The following PXDNL variants were observed in gnomAD, a reference collection of about 807,000 sequenced individuals.
PXDNL encodes peroxidasin like, also known as probable oxidoreductase PXDNL.
In PXDNL, 145 loss-of-function variants were observed where a neutral mutation model predicts 150.8. The observed-to-expected ratio is 0.96, with a 90% CI of 0.84 to 1.10. The LOEUF is 1.10. PXDNL is among the 50% of genes least tolerant of loss of function. The pLI, the probability that PXDNL is intolerant of heterozygous loss-of-function variation, is 0.00. For missense variants in PXDNL, 2,087 were observed against 1,873.9 expected (o/e 1.11, Z -2.10); for synonymous variants, 757 against 725.7 (o/e 1.04, Z -0.69).
In PXDNL at chr8:51,409,062, G is replaced by T. The variant is rs1160607838; in HGVS notation, c.2562C>A (p.Gly854=). ...CGAAGAGCATGCAGGGCGCGTGGGT[G>T]CCCCGGGGGTCGGCGTGCCGGGTGT... is the stretch of plus-strand genomic sequence containing the variant. ...PMNTRHADPR[G]THAPCMLFAR... The change falls in exon 17 of 23, where the codon GGC becomes GGA. Residue 854 remains glycine, a synonymous_variant. Coordinates refer to ENST00000356297, the MANE Select transcript of PXDNL (RefSeq NM_144651.5). 6.2e-7 allele frequency: 1 copy of T among 1,609,796 alleles called. No homozygotes were observed.
chr8:51,372,940 T>C (rs965061807), intron 18 of PXDNL, among the ~76,000 whole-genome samples: 3 of 152,194 alleles, frequency 2.0e-5, no homozygotes, highest in African/African-American at 7.2e-5. Context: ...ATTCAGTAAA[T>C]ATTTGAATAT....
rs1815725184 is a variant in PXDNL at position 51,680,679 on chromosome 8, T to C, written c.165-25919A>G. On this transcript the variant is annotated intron_variant, in intron 1 of 22. Transcript: ENST00000356297. ...AGGTGCGAGGCCACAGCAGTGACCA[T>C]GGGTGCCCTGCAGCCGGGTGGCCAG... Among the ~76,000 whole-genome samples, 3 of 152,132 alleles carry C rather than the reference T, an allele frequency of 2.0e-5. No individual in the cohort carries two copies. In the South Asian group the frequency reaches 6.2e-4, roughly 32 times the overall value.
intron 1 of PXDNL, 29 bp downstream of exon 1, chr8:51,809,151 AG>A: frequency 6.2e-7 from 1 of 1,611,646 alleles, no homozygotes; most frequent in African/African-American, 1.3e-5. Flanking sequence ...ATTGGGGAAG[AG>A]GGTTTCTGGG....
rs199824784 is a variant in PXDNL at position 51,327,655 on chromosome 8, CA to C, written c.4147-6759del. On this transcript the variant is annotated intron_variant, in intron 21 of 22. Coordinates refer to ENST00000356297, the MANE Select transcript of PXDNL (RefSeq NM_144651.5). ...CATGGCCCATAAACCTGAAGAACCA[CA>C]TCTCCTACAAGATACCAGGACTTTT... Among the ~76,000 whole-genome samples the C allele has an allele frequency of 8.2e-4, 125 of 152,332 alleles. 1 individual carries two copies. The East Asian group carries it at 0.023, about 28-fold the overall frequency.
intron 21 of PXDNL, among the ~76,000 whole-genome samples, chr8:51,321,586 C>T (rs1044164205): frequency 2.0e-5 from 3 of 151,980 alleles, no homozygotes; most frequent in Non-Finnish European, 4.4e-5. Flanking sequence ...CTCATGAGAT[C>T]TGATGGTTTA....
chr8:51,684,526 G>A (rs56220207), intron 1 of PXDNL, among the ~76,000 whole-genome samples: 7,430 of 152,250 alleles, frequency 0.049, 259 homozygotes, highest in Non-Finnish European at 0.075. Flanking sequence ...CATTCAGTGT[G>A]GGCAGAGCCT....
intron 12 of PXDNL, among the ~76,000 whole-genome samples, chr8:51,438,066 A>AAAAAT: frequency 6.6e-6 from 1 of 152,334 alleles, no homozygotes; most frequent in East Asian, 1.9e-4. Flanking sequence ...AATAGCTGCA[A>AAAAAT]AAAATAAAAT....
At chr8:51,464,498 A>G (rs1328281481) in intron 8 of PXDNL, among the ~76,000 whole-genome samples, 1 of 152,180 alleles carries the variant, frequency 6.6e-6, no homozygotes, top group African/African-American at 2.4e-5. Flanking sequence ...AAAAAGAGAG[A>G]TGTTTCAAAT....
chr8:51,750,842 G>A (rs573670363), intron 1 of PXDNL, among the ~76,000 whole-genome samples: 110 of 152,308 alleles, frequency 7.2e-4, no homozygotes, highest in Non-Finnish European at 1.1e-3. Flanking sequence ...ACTATCCGCG[G>A]TTTCGGGCAT....
rs572494003 is a variant in PXDNL, at chr8:51,726,963, T to C, written c.165-72203A>G. Among the ~76,000 whole-genome samples, 57 of 152,336 alleles carry C rather than the reference T, an allele frequency of 3.7e-4. 2 individuals carry two copies. The South Asian group carries it at 0.012, about 32-fold the overall frequency. On this transcript the variant is annotated intron_variant, in intron 1 of 22. Coordinates refer to ENST00000356297, the MANE Select transcript of PXDNL (RefSeq NM_144651.5). ...TTCCTCCAGTTCAAGAAAGGCTCTATCATCTTCATAAATGACAGAACAATC... is the reference window on the plus strand; with the variant it reads ...TTCCTCCAGTTCAAGAAAGGCTCTACCATCTTCATAAATGACAGAACAATC...
chr8:51,745,758 ATT>A (rs35918137), intron 1 of PXDNL, among the ~76,000 whole-genome samples: 3 of 139,202 alleles, frequency 2.2e-5, no homozygotes, highest in African/African-American at 5.3e-5. Context: ...CACCACTACC[ATT>A]TTTTTTTTTT....
chr8:51,493,020 G>A (rs746012139), intron 5 of PXDNL, among the ~76,000 whole-genome samples: 21 of 152,144 alleles, frequency 1.4e-4, no homozygotes, highest in Non-Finnish European at 2.8e-4. Context: ...AGCCTAACTG[G>A]GAGGCACCCC....
At chr8:51,749,437 T>C (rs1049263010) in intron 1 of PXDNL, among the ~76,000 whole-genome samples, 2 of 152,240 alleles carry the variant, frequency 1.3e-5, no homozygotes, top group Non-Finnish European at 2.9e-5. Flanking sequence ...CCACACTGAA[T>C]ACTGTAGGAA....
chr8:51,705,281 T>C (rs1046415858), intron 1 of PXDNL, among the ~76,000 whole-genome samples: 1 of 152,190 alleles, frequency 6.6e-6, no homozygotes, highest in Non-Finnish European at 1.5e-5. Flanking sequence ...CCTTAACATT[T>C]GAGAATAGCC....
chr8:51,753,438 G>T (rs1039681300), intron 1 of PXDNL, among the ~76,000 whole-genome samples: 8 of 152,202 alleles, frequency 5.3e-5, no homozygotes, highest in Non-Finnish European at 8.8e-5. Flanking sequence ...TGGAGGATGA[G>T]AATGTATTTC....
chr8:51,620,262 A>T (rs997207655), intron 2 of PXDNL, among the ~76,000 whole-genome samples: 2 of 152,228 alleles, frequency 1.3e-5, no homozygotes, highest in African/African-American at 4.8e-5. Context: ...TAGATATCCC[A>T]AAGTAATTTT....
intron 21 of PXDNL, among the ~76,000 whole-genome samples, chr8:51,326,559 G>A (rs1214591081): frequency 6.6e-6 from 1 of 152,094 alleles, no homozygotes; most frequent in Non-Finnish European, 1.5e-5. Flanking sequence ...GGCCTTCCCA[G>A]AAATAGAATT....
intron 4 of PXDNL, among the ~76,000 whole-genome samples, chr8:51,547,774 C>A (rs1812395309): frequency 6.6e-6 from 1 of 152,140 alleles, no homozygotes; most frequent in South Asian, 2.1e-4. Context: ...GAAAGTATGA[C>A]AAAACACCGT....
At chr8:51,358,678 G>A (rs963054293) in intron 19 of PXDNL, among the ~76,000 whole-genome samples, 9 of 152,092 alleles carry the variant, frequency 5.9e-5, no homozygotes, top group Non-Finnish European at 1.3e-4. Flanking sequence ...ATTGCAGCAC[G>A]CGGACAATGA....
Sources: gnomAD v4.1 joint callset for allele counts (sites outside exome capture counted in the v4.1 genomes callset) on GRCh38, gnomAD v4.1.1 for gene constraint, MANE v1.5 for transcripts, NCBI Gene and HGNC (gene_info 2026-07-23, HGNC 2026-07-21) for gene names.